CEP126: variants seen among roughly 807,000 people sequenced by gnomAD.
The protein encoded by CEP126 is centrosomal protein 126.
A neutral mutation model predicts 107.8 loss-of-function variants in CEP126; 74 were observed. The observed-to-expected ratio is 0.69, with a 90% CI of 0.57 to 0.83. The LOEUF (loss-of-function observed/expected upper bound fraction) is 0.83, where lower values mean the gene tolerates loss of function less well. Among genes scored for constraint, CEP126 ranks in the 40% least tolerant of loss-of-function variants. The pLI is 0.00. For synonymous variants in CEP126, 449 were observed against 446.0 expected (o/e 1.01, Z -0.08); for missense variants, 1,237 against 1,281.9 (o/e 0.96, Z 0.53).
At position 101,958,232 on chromosome 11, in the gene CEP126, T is replaced by C; in HGVS notation, c.571T>C (p.Leu191=). The change falls in exon 5 of 11, where the codon TTA becomes CTA. Residue 191 remains leucine (L), a synonymous_variant. Transcript: ENST00000263468. ...KNDHKHQKQL[L]SKINCEKEMN... ...TGATCACAAGCATCAGAAACAACTCTTATCCAAAATCAATTGTGAGAAAGA... is the reference window on the plus strand; with the variant it reads ...TGATCACAAGCATCAGAAACAACTCCTATCCAAAATCAATTGTGAGAAAGA... 1 of 1,613,986 alleles carries C rather than the reference T, an allele frequency of 6.2e-7. No individual in the cohort carries two copies. Among genetic ancestry groups the C allele is most frequent in the South Asian group, 1.1e-5 (1 of 91,080 alleles).
chr11:101,989,498 G>A (rs1027790515), intron 9 of CEP126, among the ~76,000 whole-genome samples: 5 of 152,136 alleles, frequency 3.3e-5, no homozygotes, highest in African/African-American at 7.2e-5. Context: ...CATATTATAC[G>A]TATATATTTT....
chr11:101,972,772 G>T (rs1941147902), intron 6 of CEP126, among the ~76,000 whole-genome samples: 1 of 152,152 alleles, frequency 6.6e-6, no homozygotes, highest in African/African-American at 2.4e-5. Flanking sequence ...TTGCACTCCA[G>T]CCTGGGCGAC....
In CEP126 at chr11:101,962,149, T is replaced by A; in HGVS notation, c.1114T>A (p.Ser372Thr). Residue 372 changes from serine (S) to threonine (T), a missense_variant, in exon 6 of 11, where the codon TCT (serine) becomes ACT (threonine). Around this residue, in one of 3 missense-constraint regions of CEP126, gnomAD observed 1,134 missense variants for 1,150.5 expected, o/e 0.99. Coordinates refer to ENST00000263468, the MANE Select transcript of CEP126 (RefSeq NM_020802.4). The stretch of plus-strand genomic sequence containing the variant: ...TGCTAATAATTCAGTACCCTTTGTA[T>A]CTAGCCCACCCATGTTTGTACTAGA... ...NTANNSVPFVSSPPMFVLDKK... is the reference protein window; with the variant it reads ...NTANNSVPFVTSPPMFVLDKK... The A allele has an allele frequency of 6.2e-7, 1 of 1,613,220 alleles. No individual in the cohort carries two copies. The highest frequency in any genetic ancestry group is 8.5e-7 in the Non-Finnish European group (1 of 1,179,686).
intron 6 of CEP126, among the ~76,000 whole-genome samples, chr11:101,967,025 CTTTTTT>C (rs759877416): frequency 9.3e-6 from 1 of 107,088 alleles, no homozygotes; most frequent in African/African-American, 3.7e-5. Context: ...CTCTTTCTTT[CTTTTTT>C]TTTTTTTTTT....
chr11:101,919,343 A>T (rs1330324787), intron 1 of CEP126, among the ~76,000 whole-genome samples: 1 of 152,218 alleles, frequency 6.6e-6, no homozygotes, highest in African/African-American at 2.4e-5. Flanking sequence ...ACCTAACTGG[A>T]TAAAAGACTA....
chr11:101,972,658 G>A lies in CEP126; in HGVS notation c.2846-5689G>A, dbSNP rs189324182. On this transcript the variant is annotated intron_variant, in intron 6 of 10. Coordinates refer to ENST00000263468, the MANE Select transcript of CEP126 (RefSeq NM_020802.4). ...TCTACTAAAAATACAAAAATTAGCC[G>A]GGTGTGCTGGCGCGCACCTGTAGTC... is the stretch of plus-strand genomic sequence containing the variant. 2.6e-3 allele frequency among the ~76,000 whole-genome samples: 398 copies of A among 152,002 alleles called. 3 individuals carry two copies. The highest frequency in any genetic ancestry group is 9.1e-3 in the African/African-American group (379 of 41,460).
chr11:101,976,592 T>C (rs1941194218), intron 6 of CEP126, among the ~76,000 whole-genome samples: 1 of 152,226 alleles, frequency 6.6e-6, no homozygotes, highest in African/African-American at 2.4e-5. Flanking sequence ...TTTAAGTGCT[T>C]ATACACATAT....
rs191464954 is a variant in CEP126, at chr11:102,000,370, A to G, written c.*2727A>G. ...ATCACTTTCCTCAGTGGAAAAACTTATGAAACTTCTTATAAGAGAGAGTAA... is the reference window on the plus strand; with the variant it reads ...ATCACTTTCCTCAGTGGAAAAACTTGTGAAACTTCTTATAAGAGAGAGTAA... On this transcript the variant is annotated 3_prime_UTR_variant, in exon 11 of 11. Transcript: ENST00000263468. 1.3e-5 allele frequency: 2 copies of G among 152,230 alleles called. No individual in the cohort carries two copies. Among genetic ancestry groups the G allele is most frequent in the Admixed American group, 1.3e-4 (2 of 15,298 alleles). 9.4% of individuals were successfully genotyped at this position (152,230 alleles called of 1,614,324 possible).
chr11:101,917,334 A>C (rs940244403), intron 1 of CEP126, among the ~76,000 whole-genome samples: 2 of 152,052 alleles, frequency 1.3e-5, no homozygotes, highest in Non-Finnish European at 2.9e-5. Context: ...TGACTAAATG[A>C]AAAAAAGGAA....
At chr11:101,941,037 T>C (rs749867597) in intron 2 of CEP126, among the ~76,000 whole-genome samples, 4 of 152,200 alleles carry the variant, frequency 2.6e-5, no homozygotes, top group Non-Finnish European at 5.9e-5. Flanking sequence ...CACATGATTT[T>C]AATCTCAAGA....
In CEP126 at chr11:101,987,042, G is replaced by GT; in HGVS notation, c.3244+2dup. 2 of 1,572,308 alleles carry GT rather than the reference G, an allele frequency of 1.3e-6. No individual in the cohort carries two copies. The highest frequency in any genetic ancestry group is 1.1e-5 in the South Asian group (1 of 90,080). On this transcript the variant is annotated splice_donor_variant, in intron 9 of 10. Transcript: ENST00000263468. LOFTEE classifies it high-confidence loss of function. ...AATGATCTCAGTGAAAGACTACATTGTAAGTATGGAAGAACACCTTTTATA... is the reference window on the plus strand; with the variant it reads ...AATGATCTCAGTGAAAGACTACATTGTTAAGTATGGAAGAACACCTTTTATA...
intron 4 of CEP126, among the ~76,000 whole-genome samples, 169 bp downstream of exon 4, chr11:101,948,311 A>G (rs192160914): frequency 1.1e-4 from 17 of 152,280 alleles, no homozygotes; most frequent in Admixed American, 3.3e-4. Context: ...TGTTCCAAGA[A>G]TAGGTCAGAA....
At chr11:101,956,456 C>T in intron 4 of CEP126, 1 of 456,498 alleles carries the variant, frequency 2.2e-6, no homozygotes, top group South Asian at 1.5e-5. Flanking sequence ...GTCAAATCAG[C>T]CCGAGGCCTT....
intron 9 of CEP126, among the ~76,000 whole-genome samples, chr11:101,992,393 A>G (rs1437505053): frequency 4.6e-5 from 7 of 152,092 alleles, no homozygotes; most frequent in African/African-American, 1.7e-4. Flanking sequence ...AAGGCAACCA[A>G]GTGACTCAAT....
At chr11:101,919,042 C>T (rs576935400) in intron 1 of CEP126, among the ~76,000 whole-genome samples, 2 of 152,184 alleles carry the variant, frequency 1.3e-5, no homozygotes, top group South Asian at 4.1e-4. Flanking sequence ...TATATAGGTC[C>T]AAGAACTTTG....
intron 2 of CEP126, among the ~76,000 whole-genome samples, chr11:101,931,461 CAGT>C (rs1940498683): frequency 6.6e-6 from 1 of 152,040 alleles, no homozygotes; most frequent in Admixed American, 6.5e-5. Flanking sequence ...TGAAAACTCA[CAGT>C]AGATTATTGG....
rs943885277 is a variant in CEP126 at position 102,000,940 on chromosome 11, G to A, written c.*3297G>A. The A allele has an allele frequency of 3.9e-5, 6 of 152,038 alleles. No individual in the cohort carries two copies. The highest frequency in any genetic ancestry group is 2.0e-4 in the Admixed American group (3 of 15,274). 9.4% of individuals were successfully genotyped at this position (152,038 alleles called of 1,614,324 possible). On this transcript the variant is annotated 3_prime_UTR_variant, in exon 11 of 11. Transcript: ENST00000263468. ...TGAAGCTTTTTGTGAAAACTGTACT[G>A]TATACATATATAAATATACACACAC...
In CEP126 at chr11:101,926,963, T is replaced by C. The variant is rs531911601; in HGVS notation, c.248+4203T>C. On this transcript the variant is annotated intron_variant, in intron 2 of 10. Coordinates refer to ENST00000263468, the MANE Select transcript of CEP126 (RefSeq NM_020802.4). ...CCTGTAACAGTTAAGTTTGGTGAGT[T>C]CTTGCATTGAGGATTATCTATCTTC... 6.6e-5 allele frequency among the ~76,000 whole-genome samples: 10 copies of C among 152,310 alleles called. No homozygotes were observed. In the East Asian group the frequency reaches 1.9e-3, roughly 29 times the overall value.
chr11:101,923,721 G>A (rs1222821216), intron 2 of CEP126, among the ~76,000 whole-genome samples: 3 of 152,162 alleles, frequency 2.0e-5, no homozygotes, highest in Admixed American at 6.5e-5. Flanking sequence ...TAAACGGCGT[G>A]TGACAGGTGT....
Sources: gnomAD v4.1 joint callset for allele counts (sites outside exome capture counted in the v4.1 genomes callset) on GRCh38, gnomAD v4.1.1 for gene constraint, gnomAD v4.1.1 regional missense constraint, MANE v1.5 for transcripts, NCBI Gene and HGNC (gene_info 2026-07-23, HGNC 2026-07-21) for gene names.